The following SEC14L2 variants were observed in gnomAD, a reference collection of about 807,000 sequenced individuals.
SEC14L2 encodes the protein SEC14-like protein 2.
In SEC14L2, 50 loss-of-function variants were observed where a neutral mutation model predicts 56.9. The ratio of observed to expected loss-of-function variants is 0.88; its 90% CI spans 0.70 to 1.11. The LOEUF (loss-of-function observed/expected upper bound fraction) is 1.11. SEC14L2 is among the 50% of genes most tolerant of loss of function. The probability of loss-of-function intolerance (pLI) is 0.00; values close to 1 mark genes in which losing one functional copy is unlikely to be tolerated. For synonymous variants in SEC14L2, 179 were observed against 188.5 expected, an observed-to-expected ratio of 0.95 and a Z score of 0.41; for missense variants, 414 against 500.7, an observed-to-expected ratio of 0.83 and a Z score of 1.65.
rs1420208809 is a variant in SEC14L2, at chr22:30,406,357, T to C, written c.146T>C (p.Leu49Pro). The change falls in exon 3 of 12, where the codon CTG (leucine) becomes CCG (proline). Residue 49 changes from leucine (L) to proline (P), a missense_variant. Transcript: ENST00000615189. The stretch of plus-strand genomic sequence containing the variant: ...CCTGTTACAGCCAGAAGCTTCGACC[T>C]GCAGAAGTCGGAGGCCATGCTCCGG... ...LRWLRARSFDLQKSEAMLRKH... is the reference protein window; with the variant it reads ...LRWLRARSFDPQKSEAMLRKH... 6 of 1,614,072 alleles carry C rather than the reference T, an allele frequency of 3.7e-6. No individual in the cohort carries two copies. Among genetic ancestry groups the C allele is most frequent in the Non-Finnish European group, 4.2e-6 (5 of 1,179,960 alleles).
In SEC14L2 at chr22:30,397,058, A is replaced by C; in HGVS notation, c.-59A>C. The C allele has an allele frequency of 6.8e-7, 1 of 1,466,164 alleles. No homozygotes were observed. The highest frequency in any genetic ancestry group is 2.5e-5 in the East Asian group (1 of 39,992). 90.8% of individuals were successfully genotyped at this position (1,466,164 alleles called of 1,614,324 possible). ...GGCGGCGAGGACGAGTCTGTGCTCC[A>C]TCAGCTGCCGCACCCGCCGCCTCCC... On this transcript the variant is annotated 5_prime_UTR_variant, in exon 1 of 12. Transcript: ENST00000615189.
intron 8 of SEC14L2, among the ~76,000 whole-genome samples, chr22:30,412,234 G>C (rs1371775293): frequency 6.6e-6 from 1 of 152,110 alleles, no homozygotes; most frequent in African/African-American, 2.4e-5. Context: ...AAGGCTACCA[G>C]TTTGCACGAG....
rs537474116 is a variant in SEC14L2, at chr22:30,424,972, C to T, written c.*2565C>T. ...ATACTGATCCAGTTAAATGCGAGTGCTTCCTAGTTATACATGGCGACTGCT... is the reference window on the plus strand; with the variant it reads ...ATACTGATCCAGTTAAATGCGAGTGTTTCCTAGTTATACATGGCGACTGCT... On this transcript the variant is annotated 3_prime_UTR_variant, in exon 12 of 12. Coordinates refer to ENST00000615189, the MANE Select transcript of SEC14L2 (RefSeq NM_012429.5). The T allele has an allele frequency of 2.7e-3, 1,032 of 381,276 alleles. 10 individuals are homozygous for T. The highest frequency in any genetic ancestry group is 4.1e-3 in the Non-Finnish European group (781 of 190,152). The allele number at this position is 381,276 out of a possible 1,614,324, so 23.6% of individuals were successfully genotyped here. A position where few individuals can be genotyped will look rare whatever the true frequency, so the allele number is the denominator to read the frequency against.
intron 11 of SEC14L2, chr22:30,416,621 A>C: frequency 2.7e-6 from 4 of 1,456,252 alleles, no homozygotes; most frequent in Middle Eastern, 1.9e-4. Flanking sequence ...TTGATCTCAT[A>C]CTCCTAGGTA....
At position 30,422,400 on chromosome 22, in the gene SEC14L2, C is replaced by T. The variant is rs369070993; in HGVS notation, c.1205C>T (p.Pro402Leu). 1.3e-5 allele frequency: 21 copies of T among 1,614,004 alleles called. No homozygotes were observed. Among genetic ancestry groups the T allele is most frequent in the Non-Finnish European group, 1.6e-5 (19 of 1,180,012 alleles). The change falls in exon 12 of 12, where the codon CCG (proline) becomes CTG (leucine). Residue 402 changes from proline (P) to leucine (L), a missense_variant. Physicochemically the swap from Pro to Leu is moderately conservative, Grantham distance 98. Coordinates refer to ENST00000615189, the MANE Select transcript of SEC14L2 (RefSeq NM_012429.5). Reference sequence around the variant, plus strand: ...ATGAAACAGCTGGGGGCAGGCACCCCGAAATAACACCTTCTCCTATAGCAG... The same window carrying T: ...ATGAAACAGCTGGGGGCAGGCACCCTGAAATAACACCTTCTCCTATAGCAG... ...EKMKQLGAGT[P>L]K is the part of the protein sequence containing the mutation.
chr22:30,410,270 T>C (rs1451059297), intron 7 of SEC14L2, among the ~76,000 whole-genome samples: 1 of 152,118 alleles, frequency 6.6e-6, no homozygotes, highest in East Asian at 1.9e-4. Flanking sequence ...CTCAAAAAAA[T>C]AAAATAAAAA....
At chr22:30,422,132 G>A (rs750448370) in intron 11 of SEC14L2, 145 bp from the exon 12 acceptor site, 3 of 991,888 alleles carry the variant, frequency 3.0e-6, no homozygotes, top group South Asian at 3.3e-5. Context: ...AGTTTCAGAA[G>A]GTCAAGGATC....
In SEC14L2 at chr22:30,397,295, C is replaced by T. The variant is rs892350167; in HGVS notation, c.54+125C>T. 4.9e-4 allele frequency: 437 copies of T among 896,904 alleles called. 4 individuals are homozygous for T. In the African/African-American group the frequency reaches 7.4e-3, roughly 15 times the overall value. The allele number at this position is 896,904 out of a possible 1,614,324, so 55.6% of individuals were successfully genotyped here. ...TGGCGGGCGGCGGAGGGAACAGAGG[C>T]GGCTGTCCCAGCCTGGCCCGCGCCC... is the stretch of plus-strand genomic sequence containing the variant. On this transcript the variant is annotated intron_variant, in intron 1 of 11. Coordinates refer to ENST00000615189, the MANE Select transcript of SEC14L2 (RefSeq NM_012429.5).
intron 7 of SEC14L2, 34 bp from the exon 8 acceptor site, chr22:30,410,562 C>T (rs918618441): frequency 1.0e-5 from 16 of 1,594,546 alleles, no homozygotes; most frequent in African/African-American, 9.4e-5. Flanking sequence ...CTGGGCACTG[C>T]TCCCAGCCTC....
chr22:30,409,412 T>C lies in SEC14L2; in HGVS notation c.520-14T>C. 1 of 1,614,042 alleles carries C rather than the reference T, an allele frequency of 6.2e-7. No homozygotes were observed. The highest frequency in any genetic ancestry group is 8.5e-7 in the Non-Finnish European group (1 of 1,179,900). On this transcript the variant is annotated splice_polypyrimidine_tract_variant and intron_variant, in intron 6 of 11. Transcript: ENST00000615189. Reference sequence around the variant, plus strand: ...CTGAGCCTGCTGGAATCAAGAGTGATTTTGTTTCCACAGTTTCTCTGCATG... The same window carrying C: ...CTGAGCCTGCTGGAATCAAGAGTGACTTTGTTTCCACAGTTTCTCTGCATG...
Position 30,409,282 on chromosome 22 carries a change from GGT to G in SEC14L2, c.519+2_519+3del. Reference sequence around the variant, plus strand: ...AGCCTGCTGTGGAGGCCTATGGAGAGGTGAGGGGCAGGGGTGGGGAGGAAGGG... The same window carrying G: ...AGCCTGCTGTGGAGGCCTATGGAGAGGAGGGGCAGGGGTGGGGAGGAAGGG... On this transcript the variant is annotated splice_donor_variant, in intron 6 of 11. Coordinates refer to ENST00000615189, the MANE Select transcript of SEC14L2 (RefSeq NM_012429.5). LOFTEE classifies it high-confidence loss of function. 1 of 1,613,410 alleles carries G rather than the reference GGT, an allele frequency of 6.2e-7. No individual in the cohort carries two copies.
chr22:30,419,511 C>A (rs1183802657), intron 11 of SEC14L2, among the ~76,000 whole-genome samples: 1 of 152,178 alleles, frequency 6.6e-6, no homozygotes, highest in Admixed American at 6.5e-5. Context: ...CCACTGCACT[C>A]CAACCTGGGT....
chr22:30,411,502 T>C (rs1934244738), intron 8 of SEC14L2, among the ~76,000 whole-genome samples: 1 of 151,804 alleles, frequency 6.6e-6, no homozygotes, highest in Non-Finnish European at 1.5e-5. Context: ...TCCCAGCACT[T>C]TGGGAGGCCG....
chr22:30,416,758 G>A, intron 11 of SEC14L2: 1 of 1,285,912 alleles, frequency 7.8e-7, no homozygotes, highest in Non-Finnish European at 9.9e-7. Context: ...CACAGAGACA[G>A]AACTGGCTGG....
At chr22:30,405,733 G>A (rs180996734) in intron 2 of SEC14L2, among the ~76,000 whole-genome samples, 1 of 152,216 alleles carries the variant, frequency 6.6e-6, no homozygotes, top group Non-Finnish European at 1.5e-5. Flanking sequence ...CTGGAGTATA[G>A]TAGCGAGATC....
rs755987539 is a variant in SEC14L2 at position 30,416,231 on chromosome 22, C to T, written c.912-3C>T. 1 of 1,613,784 alleles carries T rather than the reference C, an allele frequency of 6.2e-7. No individual in the cohort carries two copies. Among genetic ancestry groups the T allele is most frequent in the Admixed American group, 1.7e-5 (1 of 60,034 alleles). The stretch of plus-strand genomic sequence containing the variant: ...ATGTCTCAATTGGTGATATCCCCTG[C>T]AGGTGGCAGTTTATGTCAGATGGAG... On this transcript the variant is annotated splice_region_variant and splice_polypyrimidine_tract_variant and intron_variant, in intron 10 of 11. Transcript: ENST00000615189.
chr22:30,404,438 G>A (rs1353139571), intron 2 of SEC14L2, among the ~76,000 whole-genome samples: 4 of 152,194 alleles, frequency 2.6e-5, no homozygotes, highest in African/African-American at 4.8e-5. Context: ...CACTCCCAGA[G>A]AGCGATGGTT....
At chr22:30,419,784 A>G (rs1303038479) in intron 11 of SEC14L2, among the ~76,000 whole-genome samples, 2 of 152,186 alleles carry the variant, frequency 1.3e-5, no homozygotes, top group East Asian at 3.8e-4. Flanking sequence ...ATAATCTCCT[A>G]TGGTAATAGA....
chr22:30,402,917 TAA>T (rs879265249), intron 2 of SEC14L2, among the ~76,000 whole-genome samples: 1 of 143,512 alleles, frequency 7.0e-6, no homozygotes, highest in Non-Finnish European at 1.5e-5. Flanking sequence ...TGCCTCTACT[TAA>T]AAAAAAAAAA....
Sources: gnomAD v4.1 joint callset for allele counts (sites outside exome capture counted in the v4.1 genomes callset) on GRCh38, gnomAD v4.1.1 for gene constraint, MANE v1.5 for transcripts, NCBI Gene and HGNC (gene_info 2026-07-23, HGNC 2026-07-21) for gene names.